NOS1AP: variants seen among roughly 807,000 people sequenced by gnomAD.
NOS1AP encodes nitric oxide synthase 1 adaptor protein.
NOS1AP carries 21 observed loss-of-function variants against 56.2 expected under a neutral mutation model. The ratio of observed to expected loss-of-function variants is 0.37; its 90% CI spans 0.26 to 0.54. The LOEUF is 0.54. Among genes scored for constraint, NOS1AP ranks in the 20% least tolerant of loss-of-function variants. The pLI, the probability that NOS1AP is intolerant of heterozygous loss-of-function variation, is 0.84. For missense variants in NOS1AP, 522 were observed against 657.8 expected (o/e 0.79, Z 2.26); for synonymous variants, 270 against 274.6 (o/e 0.98, Z 0.17).
chr1:162,190,598 T>G (rs1266665642), intron 2 of NOS1AP, among the ~76,000 whole-genome samples: 1 of 151,040 alleles, frequency 6.6e-6, no homozygotes, highest in East Asian at 1.9e-4. Context: ...ACATTTATCA[T>G]TTCCTTGTGT....
intron 2 of NOS1AP, among the ~76,000 whole-genome samples, chr1:162,218,769 G>A (rs1311999714): frequency 6.6e-6 from 1 of 152,100 alleles, no homozygotes; most frequent in South Asian, 2.1e-4. Context: ...GTCCCTTCCA[G>A]CCCCACTCAC....
chr1:162,346,895 G>T (rs1657312497), intron 6 of NOS1AP, among the ~76,000 whole-genome samples: 1 of 152,094 alleles, frequency 6.6e-6, no homozygotes, highest in South Asian at 2.1e-4. Flanking sequence ...CTTGCATTTG[G>T]TCATGTACCC....
intron 2 of NOS1AP, among the ~76,000 whole-genome samples, chr1:162,176,787 C>T (rs773953879): frequency 9.9e-5 from 15 of 152,098 alleles, no homozygotes; most frequent in Non-Finnish European, 1.5e-4. Context: ...TGATCCACTG[C>T]GCCCAGCCAA....
intron 2 of NOS1AP, among the ~76,000 whole-genome samples, chr1:162,261,034 T>A (rs532467565): frequency 9.0e-6 from 1 of 111,222 alleles, no homozygotes; most frequent in African/African-American, 3.5e-5. Flanking sequence ...AAATTAGAAT[T>A]TGTTATATTC....
In NOS1AP at chr1:162,370,365, C is replaced by T. The variant is rs973624884; in HGVS notation, c.*2898C>T. ...CTTCCTAAAGCTGTTGTGTCATTAA[C>T]TCTGTTGGATCAACTCTCTGGGAAA... On this transcript the variant is annotated 3_prime_UTR_variant, in exon 10 of 10. Coordinates refer to ENST00000361897, the MANE Select transcript of NOS1AP (RefSeq NM_014697.3). The T allele has an allele frequency of 2.6e-5, 4 of 152,212 alleles. No individual in the cohort carries two copies. The highest frequency in any genetic ancestry group is 4.4e-5 in the Non-Finnish European group (3 of 68,046). The allele number at this position is 152,212 out of a possible 1,614,324, so 9.4% of individuals were successfully genotyped here.
intron 2 of NOS1AP, among the ~76,000 whole-genome samples, chr1:162,264,518 T>G (rs1401033708): frequency 8.2e-6 from 1 of 121,256 alleles, no homozygotes; most frequent in Middle Eastern, 3.6e-3. Flanking sequence ...CTTCTTTTCT[T>G]TTTTTTTGAG....
chr1:162,185,619 C>CTTCT (rs1651408109), intron 2 of NOS1AP, among the ~76,000 whole-genome samples: 1 of 152,216 alleles, frequency 6.6e-6, no homozygotes, highest in Non-Finnish European at 1.5e-5. Context: ...ATTGCATAGG[C>CTTCT]TTCTACCTCT....
At chr1:162,135,699 C>T (rs1261445736) in intron 1 of NOS1AP, among the ~76,000 whole-genome samples, 1 of 152,144 alleles carries the variant, frequency 6.6e-6, no homozygotes. Flanking sequence ...CCTCTGGAAA[C>T]TCGGGGACGG....
At chr1:162,219,123 C>G (rs1557837069) in intron 2 of NOS1AP, among the ~76,000 whole-genome samples, 1 of 152,182 alleles carries the variant, frequency 6.6e-6, no homozygotes, top group Non-Finnish European at 1.5e-5. Flanking sequence ...TTTACCAGCT[C>G]TCTCTCGCTG....
Position 162,074,149 on chromosome 1 carries a change from C to T in NOS1AP, c.105+3867C>T, listed in dbSNP as rs148979536. 4.3e-3 allele frequency among the ~76,000 whole-genome samples: 660 copies of T among 152,270 alleles called. 7 individuals carry two copies. The highest frequency in any genetic ancestry group is 0.015 in the African/African-American group (620 of 41,540). Reference sequence around the variant, plus strand: ...AGGCACAGGCACATTAGTGTTATCTCGATTTTTCAGACCAAAAAATGGAGA... The same window carrying T: ...AGGCACAGGCACATTAGTGTTATCTTGATTTTTCAGACCAAAAAATGGAGA... On this transcript the variant is annotated intron_variant, in intron 1 of 9. Coordinates refer to ENST00000361897, the MANE Select transcript of NOS1AP (RefSeq NM_014697.3).
intron 2 of NOS1AP, among the ~76,000 whole-genome samples, chr1:162,203,551 G>T (rs143789893): frequency 6.6e-6 from 1 of 152,270 alleles, no homozygotes; most frequent in East Asian, 1.9e-4. Context: ...TAATCAAAGG[G>T]TGTAGCACCT....
At chr1:162,341,775 C>A (rs114496757) in intron 5 of NOS1AP, among the ~76,000 whole-genome samples, 1 of 152,200 alleles carries the variant, frequency 6.6e-6, no homozygotes, top group African/African-American at 2.4e-5. Flanking sequence ...ATAACAGTTT[C>A]GGATGTAGGA....
intron 2 of NOS1AP, among the ~76,000 whole-genome samples, chr1:162,286,760 T>TA (rs1655100781): frequency 6.6e-6 from 1 of 152,206 alleles, no homozygotes; most frequent in African/African-American, 2.4e-5. Flanking sequence ...ACTTAACAAA[T>TA]ACATGGTTTT....
chr1:162,106,263 A>G (rs1008250565), intron 1 of NOS1AP, among the ~76,000 whole-genome samples: 2 of 152,112 alleles, frequency 1.3e-5, no homozygotes, highest in Non-Finnish European at 2.9e-5. Flanking sequence ...TGGATGGGCC[A>G]CTGCCCCATC....
At chr1:162,349,727 T>C (rs1293054762) in intron 6 of NOS1AP, among the ~76,000 whole-genome samples, 1 of 152,218 alleles carries the variant, frequency 6.6e-6, no homozygotes, top group Non-Finnish European at 1.5e-5. Context: ...CCAGAATACA[T>C]GACCTCATCT....
intron 1 of NOS1AP, among the ~76,000 whole-genome samples, chr1:162,123,816 C>T (rs1331199508): frequency 6.6e-6 from 1 of 151,968 alleles, no homozygotes; most frequent in Non-Finnish European, 1.5e-5. Context: ...TTTTCTTGAA[C>T]CATTTAAGAG....
At chr1:162,257,217 G>T (rs1359430321) in intron 2 of NOS1AP, among the ~76,000 whole-genome samples, 4 of 152,322 alleles carry the variant, frequency 2.6e-5, no homozygotes, top group Middle Eastern at 3.4e-3. Context: ...AGGAAGCATT[G>T]CCCAGAGCTT....
rs867228995 is a variant in NOS1AP, at chr1:162,367,174, G to A, written c.1228G>A (p.Asp410Asn). Residue 410 changes from aspartate (D) to asparagine (N), a missense_variant, in exon 10 of 10, where the codon GAC (aspartate) becomes AAC (asparagine). Asp to Asn is a conservative substitution (Grantham distance 23). This residue lies in a region of NOS1AP where 160 missense variants were observed against 180.3 expected (regional missense o/e 0.89). Transcript: ENST00000361897. This position sits in a 1 kb window ranked among gnomAD's most constrained non-coding sequence, Gnocchi z 6.5. ...GCCGCCGCTGGGCGCGGGCTTGGCT[G>A]ACTTTGCCCACCCTGCGGGCAGCCC... ...HSPPLGAGLA[D>N]FAHPAGSPLG... 6.2e-7 allele frequency: 1 copy of A among 1,613,878 alleles called. No homozygotes were observed. The highest frequency in any genetic ancestry group is 1.3e-5 in the African/African-American group (1 of 75,068).
chr1:162,144,310 C>T (rs150799137), intron 1 of NOS1AP, among the ~76,000 whole-genome samples: 3 of 152,338 alleles, frequency 2.0e-5, no homozygotes. Context: ...GGGAGTCCTA[C>T]ACTGGTTCTG....
Sources: allele counts gnomAD v4.1 joint callset (sites outside exome capture counted in the v4.1 genomes callset), GRCh38; gene constraint gnomAD v4.1.1; regional missense constraint gnomAD v4.1.1; non-coding constraint Gnocchi (gnomAD v3.1); transcripts MANE v1.5; gene names NCBI Gene and HGNC (gene_info 2026-07-23, HGNC 2026-07-21).